The following MMEL1 variants were observed in gnomAD, a reference collection of about 807,000 sequenced individuals.
The protein encoded by MMEL1 is membrane metalloendopeptidase like 1, also known as membrane metallo-endopeptidase-like 1.
In MMEL1, 98 loss-of-function variants were observed where a neutral mutation model predicts 117.1. The ratio of observed to expected loss-of-function variants is 0.84; its 90% confidence interval spans 0.71 to 0.99. The LOEUF is 0.99. MMEL1 is among the 50% of genes least tolerant of loss of function. The probability of loss-of-function intolerance (pLI) is 0.00; values close to 1 mark genes in which losing one functional copy is unlikely to be tolerated. For synonymous variants in MMEL1, 390 were observed against 415.1 expected (o/e 0.94, Z 0.74); for missense variants, 1,014 against 1,049.1 (o/e 0.97, Z 0.46).
chr1:2,596,737 C>G, intron 13 of MMEL1, 48 bp from the exon 14 acceptor site: 1 of 1,604,418 alleles, frequency 6.2e-7, no homozygotes, highest in Non-Finnish European at 8.5e-7. Context: ...TCAGCCTTCC[C>G]AGGCCTGGCG....
chr1:2,617,938 C>T (rs959811903), intron 2 of MMEL1, among the ~76,000 whole-genome samples: 1 of 152,192 alleles, frequency 6.6e-6, no homozygotes, highest in African/African-American at 2.4e-5. Flanking sequence ...AGGATCTTCT[C>T]TTTGTTCTTT....
At chr1:2,601,112 T>G (rs1027466000) in intron 11 of MMEL1, among the ~76,000 whole-genome samples, 1 of 152,210 alleles carries the variant, frequency 6.6e-6, no homozygotes, top group Non-Finnish European at 1.5e-5. Context: ...AAGGCAGATT[T>G]TAAGTTTTAT....
chr1:2,604,128 C>G lies in MMEL1; in HGVS notation c.951+19G>C. 1 of 1,470,594 alleles carries G rather than the reference C, an allele frequency of 6.8e-7. No individual in the cohort carries two copies. Among genetic ancestry groups the G allele is most frequent in the Non-Finnish European group, 9.4e-7 (1 of 1,058,228 alleles). The allele number at this position is 1,470,594 out of a possible 1,614,324, so 91.1% of individuals were successfully genotyped here. ...CAGCCCACTCGCTGCCCGCTCCCCA[C>G]CCGCCCCGGCCCCCTTACCTTGGCC... is the stretch of plus-strand genomic sequence containing the variant. On this transcript the variant is annotated intron_variant, in intron 10 of 23. Transcript: ENST00000378412.
Position 2,595,462 on chromosome 1 carries a change from G to T in MMEL1, c.1501-103C>A. The T allele has an allele frequency of 1.0e-6, 1 of 961,816 alleles. No homozygotes were observed. Among genetic ancestry groups the T allele is most frequent in the Non-Finnish European group, 1.6e-6 (1 of 606,522 alleles). The allele number at this position is 961,816 out of a possible 1,614,324, so 59.6% of individuals were successfully genotyped here. On this transcript the variant is annotated intron_variant, in intron 15 of 23. Transcript: ENST00000378412. This position sits in a 1 kb window ranked among gnomAD's most constrained non-coding sequence, Gnocchi z 4.8. Reference sequence around the variant, plus strand: ...ACACTGTGGGAGGGGTCAGCCCGGGGCATCCTGGCTGTGCTCTCCCTGTCC... The same window carrying T: ...ACACTGTGGGAGGGGTCAGCCCGGGTCATCCTGGCTGTGCTCTCCCTGTCC...
chr1:2,612,049 C>A lies in MMEL1; in HGVS notation c.232+78G>T. On this transcript the variant is annotated intron_variant, in intron 3 of 23. Coordinates refer to ENST00000378412, the MANE Select transcript of MMEL1 (RefSeq NM_033467.4). The surrounding 1 kb of genome is among the most constrained non-coding windows in gnomAD (Gnocchi z 5.4). ...GGTTGGGCAGAACCCAGCCCCTGCC[C>A]CTCCACGGAGTCCCCCCACCTTGGG... 3.9e-6 allele frequency: 5 copies of A among 1,267,516 alleles called. No individual in the cohort carries two copies. The highest frequency in any genetic ancestry group is 3.9e-5 in the South Asian group (3 of 77,796). 78.5% of individuals were successfully genotyped at this position (1,267,516 alleles called of 1,614,324 possible). A position where few individuals can be genotyped will look rare whatever the true frequency, so the allele number is the denominator to read the frequency against.
intron 6 of MMEL1, 74 bp downstream of exon 6, chr1:2,609,265 G>A: frequency 1.4e-6 from 2 of 1,455,940 alleles, no homozygotes; most frequent in Middle Eastern, 3.9e-4. Flanking sequence ...GGGTCCTGGG[G>A]CTGCGCTAGG....
chr1:2,613,831 A>G (rs997171947), intron 2 of MMEL1, among the ~76,000 whole-genome samples: 1 of 152,176 alleles, frequency 6.6e-6, no homozygotes, highest in Non-Finnish European at 1.5e-5. Flanking sequence ...AGCCTGGGAG[A>G]CAGAGTGAGA....
intron 20 of MMEL1, 30 bp from the exon 21 acceptor site, chr1:2,592,750 C>T (rs1315986328): frequency 1.2e-6 from 2 of 1,610,224 alleles, no homozygotes; most frequent in Non-Finnish European, 1.7e-6. Context: ...TTGGGGCAGC[C>T]CCGGCCCTGA....
chr1:2,611,310 A>ACCTCGCT lies in MMEL1; in HGVS notation c.256_262dup (p.Val88GlufsTer28). ...TATCACGCAGCCAGGGGTGGTGCAG[A>ACCTCGCT]CCTCGCTCACCTCTTGGGCCTCTGG... On this transcript the variant is annotated frameshift_variant, in exon 4 of 24. Coordinates refer to ENST00000378412, the MANE Select transcript of MMEL1 (RefSeq NM_033467.4). LOFTEE classifies it high-confidence loss of function. 1 of 1,564,650 alleles carries ACCTCGCT rather than the reference A, an allele frequency of 6.4e-7. No individual in the cohort carries two copies. The highest frequency in any genetic ancestry group is 1.2e-5 in the South Asian group (1 of 84,104).
chr1:2,591,001 G>A lies in MMEL1; in HGVS notation c.2329C>T (p.Arg777Cys), dbSNP rs763065514. 1.8e-5 allele frequency: 29 copies of A among 1,592,540 alleles called. No homozygotes were observed. The highest frequency in any genetic ancestry group is 2.3e-5 in the Non-Finnish European group (27 of 1,171,340). The part of the protein sequence containing the change: ...GTPMHPKERC[R>C]VW ...CGGCAGGGCCTTGGCTACCACACGC[G>A]GCATCGCTCCTTGGGGTGCATGGGG... The change falls in exon 24 of 24, where the codon CGC (arginine) becomes TGC (cysteine). Residue 777 changes from arginine (R) to cysteine (C), a missense_variant. Coordinates refer to ENST00000378412, the MANE Select transcript of MMEL1 (RefSeq NM_033467.4).
chr1:2,592,791 C>T (rs1193805352), intron 20 of MMEL1, 42 bp downstream of exon 20: 4 of 1,611,692 alleles, frequency 2.5e-6, no homozygotes, highest in Admixed American at 1.7e-5. Context: ...AGGGCTGGGG[C>T]TCCGGTACCC....
Position 2,612,473 on chromosome 1 carries a change from C to T in MMEL1, c.155-269G>A, listed in dbSNP as rs1335411444. Reference sequence around the variant, plus strand: ...CACCCTTTAATTCTCCCTCCACCCACCCCAAGGTCCCCGATGTGCCAGGGC... The same window carrying T: ...CACCCTTTAATTCTCCCTCCACCCATCCCAAGGTCCCCGATGTGCCAGGGC... On this transcript the variant is annotated intron_variant, in intron 2 of 23. Transcript: ENST00000378412. The surrounding 1 kb of genome is among the most constrained non-coding windows in gnomAD (Gnocchi z 5.4). Among the ~76,000 whole-genome samples the T allele has an allele frequency of 6.6e-6, 1 of 152,154 alleles. No individual in the cohort carries two copies. The highest frequency in any genetic ancestry group is 1.9e-4 in the East Asian group (1 of 5,194).
chr1:2,604,473 C>G (rs554007127), intron 9 of MMEL1, among the ~76,000 whole-genome samples, 192 bp from the exon 10 acceptor site: 59 of 152,314 alleles, frequency 3.9e-4, no homozygotes, highest in African/African-American at 1.2e-3. Flanking sequence ...TGTGCCCGAG[C>G]CACTGGACGG....
At position 2,629,445 on chromosome 1, in the gene MMEL1, C is replaced by A; in HGVS notation, c.40G>T (p.Ala14Ser). 6.5e-7 allele frequency: 1 copy of A among 1,540,370 alleles called. No homozygotes were observed. Among genetic ancestry groups the A allele is most frequent in the Non-Finnish European group, 8.7e-7 (1 of 1,143,678 alleles). The change falls in exon 2 of 24, where the codon GCC (alanine) becomes TCC (serine). Residue 14 changes from alanine (A) to serine (S), a missense_variant. Ala to Ser is a moderately conservative substitution (Grantham distance 99). Transcript: ENST00000378412. ...GGGCGCTTCTGCCCTGCACGGCCGG[C>A]GCTCTCCACCATCCCCACTGGGCCT... ...SEGPVGMVESAGRAGQKRPGF... is the reference protein window; with the variant it reads ...SEGPVGMVESSGRAGQKRPGF...
chr1:2,603,986 T>C lies in MMEL1; in HGVS notation c.952-13A>G, dbSNP rs200828444. The C allele has an allele frequency of 3.0e-4, 491 of 1,613,344 alleles. 1 individual carries two copies. The highest frequency in any genetic ancestry group is 5.0e-4 in the Middle Eastern group (3 of 6,060). On this transcript the variant is annotated splice_polypyrimidine_tract_variant and intron_variant, in intron 10 of 23. Coordinates refer to ENST00000378412, the MANE Select transcript of MMEL1 (RefSeq NM_033467.4). ...GGGGTACCGTGGCCTGTGCCGGGGA[T>C]AGCAGTCACACGGGCGGGTGGCCAG...
intron 11 of MMEL1, among the ~76,000 whole-genome samples, chr1:2,599,046 C>G (rs1385437621): frequency 6.6e-6 from 1 of 151,760 alleles, no homozygotes; most frequent in African/African-American, 2.4e-5. Context: ...GCAAAAATGA[C>G]AAAAAAAGAA....
intron 1 of MMEL1, 185 bp from the exon 2 acceptor site, chr1:2,629,706 G>A: frequency 1.9e-6 from 1 of 528,432 alleles, no homozygotes; most frequent in Non-Finnish European, 3.2e-6. Flanking sequence ...ACTACCCCTG[G>A]GCCGGAATCT....
intron 17 of MMEL1, 149 bp from the exon 18 acceptor site, chr1:2,594,592 TGAG>T (rs1644801102): frequency 9.1e-7 from 1 of 1,104,548 alleles, no homozygotes; most frequent in East Asian, 2.6e-5. Context: ...CTGGGGTCCC[TGAG>T]GAGGAGGCGA....
chr1:2,619,615 G>A (rs1022132114), intron 2 of MMEL1, among the ~76,000 whole-genome samples: 10 of 147,546 alleles, frequency 6.8e-5, no homozygotes, highest in African/African-American at 2.5e-4. Context: ...CCAAGATCGT[G>A]CCACTGCATT....
Sources: gnomAD v4.1 joint callset for allele counts (sites outside exome capture counted in the v4.1 genomes callset) on GRCh38, gnomAD v4.1.1 for gene constraint, Gnocchi (gnomAD v3.1) non-coding constraint, MANE v1.5 for transcripts, NCBI Gene and HGNC (gene_info 2026-07-23, HGNC 2026-07-21) for gene names.